LUZP2: variants seen among roughly 807,000 people sequenced by gnomAD.
LUZP2 encodes leucine zipper protein 2.
A neutral mutation model predicts 51.6 loss-of-function variants in LUZP2; 52 were observed. The observed-to-expected ratio is 1.01, with a 90% CI of 0.81 to 1.27. LUZP2 has a LOEUF of 1.27. Ranked by LOEUF, LUZP2 falls within the 50% of genes most tolerant of loss-of-function variation. LUZP2 has a pLI of 0.00. For missense variants in LUZP2, 436 were observed against 395.4 expected, an observed-to-expected ratio of 1.10 and a Z score of -0.87; for synonymous variants, 154 against 137.3, an observed-to-expected ratio of 1.12 and a Z score of -0.85.
At chr11:24,502,422 G>T (rs1343688954) in intron 1 of LUZP2, among the ~76,000 whole-genome samples, 1 of 151,304 alleles carries the variant, frequency 6.6e-6, no homozygotes, top group Non-Finnish European at 1.5e-5. Flanking sequence ...GTCTTGCTCT[G>T]TTGCCAGGCT....
At chr11:24,976,693 A>G (rs749730527) in intron 8 of LUZP2, 28 bp downstream of exon 8, 91 of 1,096,344 alleles carry the variant, frequency 8.3e-5, no homozygotes, top group Non-Finnish European at 1.1e-4. Flanking sequence ...AACCATTACA[A>G]CTGTAGTTTT....
In LUZP2 at chr11:24,905,921, G is replaced by A. The variant is rs1853438613; in HGVS notation, c.397-70G>A. On this transcript the variant is annotated intron_variant, in intron 5 of 11. Coordinates refer to ENST00000336930, the MANE Select transcript of LUZP2 (RefSeq NM_001009909.4). Reference sequence around the variant, plus strand: ...TTTGAACAGAACATAAAGCAATAATGTTGACATAGTTGAAGGAATTCTTAA... The same window carrying A: ...TTTGAACAGAACATAAAGCAATAATATTGACATAGTTGAAGGAATTCTTAA... 5.4e-6 allele frequency: 6 copies of A among 1,106,580 alleles called. No homozygotes were observed. The South Asian group carries it at 6.4e-5, about 12-fold the overall frequency. 68.5% of individuals were successfully genotyped at this position (1,106,580 alleles called of 1,614,324 possible).
At chr11:24,762,998 T>C (rs928760536) in intron 4 of LUZP2, 5 of 925,812 alleles carry the variant, frequency 5.4e-6, no homozygotes, top group Non-Finnish European at 6.4e-6. Context: ...TCATAAAGTG[T>C]AGGGTTTCTC....
At chr11:24,824,528 G>A (rs1348698076) in intron 5 of LUZP2, among the ~76,000 whole-genome samples, 2 of 151,882 alleles carry the variant, frequency 1.3e-5, no homozygotes, top group Non-Finnish European at 2.9e-5. Context: ...TTAATAAACA[G>A]TGAGCTAAGA....
intron 7 of LUZP2, among the ~76,000 whole-genome samples, chr11:24,959,082 T>C (rs1441417204): frequency 6.6e-6 from 1 of 152,186 alleles, no homozygotes; most frequent in African/African-American, 2.4e-5. Flanking sequence ...TGGCATTATT[T>C]CTGAGGGCTC....
chr11:24,664,254 C>T (rs1010415225), intron 1 of LUZP2, among the ~76,000 whole-genome samples: 3 of 152,094 alleles, frequency 2.0e-5, no homozygotes, highest in African/African-American at 7.2e-5. Context: ...AAGAGACTGG[C>T]AGCACTTTGC....
At chr11:25,053,852 A>T (rs1238304192) in intron 10 of LUZP2, among the ~76,000 whole-genome samples, 1 of 152,164 alleles carries the variant, frequency 6.6e-6, no homozygotes, top group African/African-American at 2.4e-5. Context: ...TTATGCTTAT[A>T]TTGAAAAATT....
At chr11:24,625,545 C>T (rs967959780) in intron 1 of LUZP2, among the ~76,000 whole-genome samples, 1 of 151,638 alleles carries the variant, frequency 6.6e-6, no homozygotes, top group Non-Finnish European at 1.5e-5. Flanking sequence ...TCAATTATAC[C>T]TCCAATAAAG....
At chr11:24,722,501 C>T (rs1445284764) in intron 1 of LUZP2, among the ~76,000 whole-genome samples, 1 of 152,138 alleles carries the variant, frequency 6.6e-6, no homozygotes, top group Non-Finnish European at 1.5e-5. Flanking sequence ...CACCAGGTTC[C>T]TCCCACAACA....
intron 1 of LUZP2, among the ~76,000 whole-genome samples, chr11:24,696,285 T>A (rs1326539927): frequency 6.6e-6 from 1 of 152,114 alleles, no homozygotes; most frequent in Non-Finnish European, 1.5e-5. Context: ...CTGACAAGGA[T>A]GTGTCTCTGA....
At chr11:24,503,809 A>G (rs960780845) in intron 1 of LUZP2, among the ~76,000 whole-genome samples, 2 of 152,206 alleles carry the variant, frequency 1.3e-5, no homozygotes, top group African/African-American at 4.8e-5. Flanking sequence ...TAATTAAGCA[A>G]CATGTGACTA....
intron 9 of LUZP2, among the ~76,000 whole-genome samples, chr11:25,047,399 T>TC (rs1480528556): frequency 2.4e-5 from 1 of 42,412 alleles, no homozygotes; most frequent in Non-Finnish European, 6.0e-5. Flanking sequence ...TTTTTTTAAT[T>TC]TTTTTTTTAT....
chr11:24,546,302 A>G (rs956416431), intron 1 of LUZP2, among the ~76,000 whole-genome samples: 2 of 151,958 alleles, frequency 1.3e-5, no homozygotes, highest in African/African-American at 4.8e-5. Context: ...GCTCTGGCCA[A>G]AACTTCCAAG....
chr11:24,519,325 T>C (rs1850569313), intron 1 of LUZP2, among the ~76,000 whole-genome samples: 1 of 152,174 alleles, frequency 6.6e-6, no homozygotes, highest in Non-Finnish European at 1.5e-5. Context: ...GAGACTCCTG[T>C]ACTTGAATGG....
intron 9 of LUZP2, among the ~76,000 whole-genome samples, chr11:25,002,490 A>C (rs1181938045): frequency 1.3e-5 from 2 of 152,206 alleles, no homozygotes; most frequent in African/African-American, 4.8e-5. Flanking sequence ...CTAAGTAGGC[A>C]GTTGTCTGAT....
chr11:24,878,412 A>G (rs1852346285), intron 5 of LUZP2, among the ~76,000 whole-genome samples: 1 of 152,096 alleles, frequency 6.6e-6, no homozygotes, highest in East Asian at 1.9e-4. Flanking sequence ...ATCTGCCACC[A>G]GGTGTATTGG....
At chr11:24,896,145 C>T (rs964789619) in intron 5 of LUZP2, among the ~76,000 whole-genome samples, 3 of 152,228 alleles carry the variant, frequency 2.0e-5, no homozygotes, top group African/African-American at 7.2e-5. Context: ...GCAGCCCTGG[C>T]TGGCCTTCGG....
At chr11:24,988,036 T>C (rs1311322100) in intron 9 of LUZP2, among the ~76,000 whole-genome samples, 1 of 152,018 alleles carries the variant, frequency 6.6e-6, no homozygotes, top group Non-Finnish European at 1.5e-5. Context: ...ATCCTTATTT[T>C]AGAAATGAGA....
At chr11:24,757,426 AT>A (rs1313094573) in intron 4 of LUZP2, among the ~76,000 whole-genome samples, 2 of 152,154 alleles carry the variant, frequency 1.3e-5, no homozygotes, top group African/African-American at 4.8e-5. Flanking sequence ...GATCAAACAC[AT>A]TGTCATACTT....
Sources: allele counts gnomAD v4.1 joint callset (sites outside exome capture counted in the v4.1 genomes callset), GRCh38; gene constraint gnomAD v4.1.1; transcripts MANE v1.5; gene names NCBI Gene and HGNC (gene_info 2026-07-23, HGNC 2026-07-21).